ANO2: variants seen among roughly 807,000 people sequenced by gnomAD.
ANO2 encodes anoctamin-2.
In ANO2, 101 loss-of-function variants were observed where a neutral mutation model predicts 124.2. That is an observed-to-expected ratio of 0.81 (90% CI 0.69 to 0.96). ANO2 has a LOEUF of 0.96. ANO2 is among the 40% of genes least tolerant of loss of function. The pLI, the probability that ANO2 is intolerant of heterozygous loss-of-function variation, is 0.00. For synonymous variants in ANO2, 486 were observed against 482.5 expected, an observed-to-expected ratio of 1.01 and a Z score of -0.09; for missense variants, 1,293 against 1,274.5, an observed-to-expected ratio of 1.01 and a Z score of -0.22.
chr12:5,606,585 G>C (rs763480415), intron 19 of ANO2, among the ~76,000 whole-genome samples: 36 of 152,182 alleles, frequency 2.4e-4, no homozygotes, highest in Non-Finnish European at 4.1e-4. Flanking sequence ...TAATTAAAAA[G>C]CAAGTTGGTT....
chr12:5,875,790 T>C (rs1377297281), intron 3 of ANO2, among the ~76,000 whole-genome samples: 1 of 151,336 alleles, frequency 6.6e-6, no homozygotes, highest in Non-Finnish European at 1.5e-5. Flanking sequence ...ACGTGGCCAC[T>C]AGAAAAAGAT....
chr12:5,873,765 T>C (rs1937901145), intron 3 of ANO2, among the ~76,000 whole-genome samples: 1 of 152,188 alleles, frequency 6.6e-6, no homozygotes, highest in African/African-American at 2.4e-5. Context: ...TGAAAGAAGC[T>C]CTTTGTGCAG....
intron 10 of ANO2, among the ~76,000 whole-genome samples, chr12:5,781,088 G>A (rs1952380713): frequency 2.0e-5 from 3 of 152,204 alleles, no homozygotes; most frequent in Admixed American, 2.0e-4. Flanking sequence ...TCAAGGCCAG[G>A]TGTTCAGACA....
At chr12:5,631,621 T>A (rs1361062248) in intron 16 of ANO2, among the ~76,000 whole-genome samples, 2 of 151,332 alleles carry the variant, frequency 1.3e-5, no homozygotes, top group East Asian at 1.9e-4. Flanking sequence ...GCCAGGGGAG[T>A]CTGGAAGTGG....
intron 10 of ANO2, 63 bp downstream of exon 10, chr12:5,799,444 A>G (rs1772739367): frequency 7.1e-7 from 1 of 1,408,004 alleles, no homozygotes; most frequent in African/African-American, 1.4e-5. Context: ...CAAAAGGTTT[A>G]TGATACATCT....
chr12:5,780,720 ACT>A (rs543679606), intron 10 of ANO2, among the ~76,000 whole-genome samples: 41 of 152,248 alleles, frequency 2.7e-4, no homozygotes, highest in Non-Finnish European at 5.7e-4. Context: ...CAGCTGGGAA[ACT>A]CAGCCAAACC....
chr12:5,759,022 T>G (rs975462076), intron 10 of ANO2, among the ~76,000 whole-genome samples: 1 of 151,830 alleles, frequency 6.6e-6, no homozygotes, highest in Non-Finnish European at 1.5e-5. Context: ...GAAAAACAAA[T>G]CTAGCATTCG....
intron 14 of ANO2, among the ~76,000 whole-genome samples, chr12:5,667,251 C>G (rs1947776585): frequency 6.6e-6 from 1 of 152,090 alleles, no homozygotes; most frequent in African/African-American, 2.4e-5. Context: ...TTATCGGGAC[C>G]CTTGAATTTG....
At chr12:5,931,398 G>C (rs1242079253) in intron 1 of ANO2, among the ~76,000 whole-genome samples, 9 of 152,020 alleles carry the variant, frequency 5.9e-5, no homozygotes, top group Non-Finnish European at 1.3e-4. Context: ...AACTTCCCAC[G>C]TATTGTATAA....
intron 15 of ANO2, among the ~76,000 whole-genome samples, chr12:5,647,060 T>A (rs903132757): frequency 5.3e-5 from 8 of 152,212 alleles, no homozygotes; most frequent in African/African-American, 1.9e-4. Context: ...TTGAATACTG[T>A]AAGGAAGATT....
chr12:5,580,858 G>C (rs1396522703), intron 20 of ANO2, among the ~76,000 whole-genome samples: 1 of 152,192 alleles, frequency 6.6e-6, no homozygotes. Context: ...GCAGGCCCTA[G>C]GAGGCCGGCA....
intron 9 of ANO2, among the ~76,000 whole-genome samples, chr12:5,801,022 T>G (rs1953022090): frequency 6.6e-6 from 1 of 152,128 alleles, no homozygotes; most frequent in Admixed American, 6.5e-5. Context: ...CAGAAGTGTG[T>G]GGCATCCAGG....
chr12:5,700,047 C>T (rs1220722182), intron 14 of ANO2, among the ~76,000 whole-genome samples: 1 of 152,152 alleles, frequency 6.6e-6, no homozygotes, highest in African/African-American at 2.4e-5. Flanking sequence ...AGAAAATTAA[C>T]AAGGATATCC....
intron 16 of ANO2, among the ~76,000 whole-genome samples, chr12:5,620,447 A>G (rs1435861892): frequency 6.6e-6 from 1 of 152,200 alleles, no homozygotes; most frequent in Non-Finnish European, 1.5e-5. Flanking sequence ...ATCTGGAGAC[A>G]GCAGTGTAAA....
At chr12:5,700,347 A>G (rs1356195439) in intron 14 of ANO2, among the ~76,000 whole-genome samples, 1 of 152,248 alleles carries the variant, frequency 6.6e-6, no homozygotes, top group Non-Finnish European at 1.5e-5. Flanking sequence ...ACTACTGGGT[A>G]CAAAACGAAA....
intron 1 of ANO2, among the ~76,000 whole-genome samples, chr12:5,931,199 C>T (rs148839602): frequency 1.2e-3 from 188 of 152,146 alleles, no homozygotes; most frequent in African/African-American, 4.1e-3. Flanking sequence ...TGATCGAGTC[C>T]GCACCTACCC....
intron 14 of ANO2, among the ~76,000 whole-genome samples, chr12:5,703,836 C>T (rs192140601): frequency 1.9e-3 from 286 of 152,292 alleles, no homozygotes; most frequent in Admixed American, 4.2e-3. Context: ...TGTGAGCCAC[C>T]GTGCCTGGCA....
At chr12:5,703,873 T>C (rs941662728) in intron 14 of ANO2, among the ~76,000 whole-genome samples, 1 of 152,162 alleles carries the variant, frequency 6.6e-6, no homozygotes, top group African/African-American at 2.4e-5. Context: ...TTTCTGTGTA[T>C]ACAAAATATT....
chr12:5,809,741 C>A (rs1953326707), intron 7 of ANO2, among the ~76,000 whole-genome samples: 1 of 152,174 alleles, frequency 6.6e-6, no homozygotes. Context: ...GCTTCACTTC[C>A]AGGACAAGGT....
Sources: gnomAD v4.1 joint callset for allele counts (sites outside exome capture counted in the v4.1 genomes callset) on GRCh38, gnomAD v4.1.1 for gene constraint, MANE v1.5 for transcripts, NCBI Gene and HGNC (gene_info 2026-07-23, HGNC 2026-07-21) for gene names.